The following SKOR2 variants were observed in gnomAD, a reference collection of about 807,000 sequenced individuals.
The protein encoded by SKOR2 is SKI family transcriptional corepressor 2.
SKOR2 carries 47 observed loss-of-function variants against 69.1 expected under a neutral mutation model. The observed-to-expected ratio is 0.68, with a 90% CI of 0.54 to 0.87. SKOR2 has a LOEUF of 0.87. Among genes scored for constraint, SKOR2 ranks in the 40% least tolerant of loss-of-function variants. The pLI, the probability that SKOR2 is intolerant of heterozygous loss-of-function variation, is 0.00. For missense variants in SKOR2, 1,404 were observed against 1,472.2 expected (o/e 0.95, Z 0.76); for synonymous variants, 717 against 672.6 (o/e 1.07, Z -1.02).
At chr18:47,240,526 C>T (rs985023192) in intron 4 of SKOR2, among the ~76,000 whole-genome samples, 2 of 152,092 alleles carry the variant, frequency 1.3e-5, no homozygotes, top group Non-Finnish European at 2.9e-5. Flanking sequence ...TGCTTGAGAA[C>T]TTCATGTTTG....
At chr18:47,229,801 T>C (rs1271989050) in intron 6 of SKOR2, among the ~76,000 whole-genome samples, 1 of 152,168 alleles carries the variant, frequency 6.6e-6, no homozygotes, top group Non-Finnish European at 1.5e-5. Flanking sequence ...GCAGGTGAAT[T>C]TTAAAAATCT....
At position 47,246,578 on chromosome 18, in the gene SKOR2, T is replaced by C. The variant is rs955866181; in HGVS notation, c.2606A>G (p.Tyr869Cys). 2.6e-6 allele frequency: 4 copies of C among 1,516,994 alleles called. No homozygotes were observed. In the Admixed American group the frequency reaches 8.2e-5, roughly 31 times the overall value. The allele number at this position is 1,516,994 out of a possible 1,614,324, so 94.0% of individuals were successfully genotyped here. A position where few individuals can be genotyped will look rare whatever the true frequency, so the allele number is the denominator to read the frequency against. The change falls in exon 2 of 9, where the codon TAC becomes TGC. Residue 869 changes from tyrosine (Y) to cysteine (C), a missense_variant. Tyr to Cys is a radical substitution (Grantham distance 194). Around this residue, in one of 3 missense-constraint regions of SKOR2, gnomAD observed 1,266 missense variants for 1,309.9 expected, o/e 0.97. Coordinates refer to ENST00000425639, the MANE Select transcript of SKOR2 (RefSeq NM_001278063.4). ...HHPSLEEQPSYKDSQKTKENN... is the reference protein window; with the variant it reads ...HHPSLEEQPSCKDSQKTKENN... ...CCTAAAGGGGATATTTACATCTTTG[T>C]AGGAGGGCTGCTCCTCCAGTGATGG...
intron 3 of SKOR2, 87 bp downstream of exon 3, chr18:47,245,411 G>GT: frequency 8.4e-7 from 1 of 1,195,690 alleles, no homozygotes; most frequent in Non-Finnish European, 1.1e-6. Context: ...GTGGTAGTGG[G>GT]TAGGTGAGGA....
intron 4 of SKOR2, among the ~76,000 whole-genome samples, chr18:47,239,292 T>C (rs1406721021): frequency 1.3e-5 from 2 of 152,028 alleles, no homozygotes; most frequent in East Asian, 1.9e-4. Flanking sequence ...AAATTCTACA[T>C]TGAATGACTT....
At chr18:47,232,444 A>T (rs1038801134) in intron 4 of SKOR2, among the ~76,000 whole-genome samples, 1 of 152,222 alleles carries the variant, frequency 6.6e-6, no homozygotes, top group African/African-American at 2.4e-5. Flanking sequence ...TAAAAAATTC[A>T]ACCCCCTATC....
At position 47,247,341 on chromosome 18, in the gene SKOR2, C is replaced by A; in HGVS notation, c.1843G>T (p.Gly615Cys). Residue 615 changes from glycine to cysteine, a missense_variant, in exon 2 of 9, where the codon GGT (glycine) becomes TGT (cysteine). By Grantham distance (159) the Gly-to-Cys change is radical (BLOSUM62 -3). Transcript: ENST00000425639. The surrounding 1 kb of genome is among the most constrained non-coding windows in gnomAD (Gnocchi z 6.6). ...GCGCTGGAATGGTGGTAGCTGCCACCGCCCGCTTTGCGCCCCTCCAGAAGG... is the reference window on the plus strand; with the variant it reads ...GCGCTGGAATGGTGGTAGCTGCCACAGCCCGCTTTGCGCCCCTCCAGAAGG... ...PHLLEGRKAGGGSYHHSSAFR... is the reference protein window; with the variant it reads ...PHLLEGRKAGCGSYHHSSAFR... 6.8e-7 allele frequency: 1 copy of A among 1,473,986 alleles called. No individual in the cohort carries two copies. Among genetic ancestry groups the A allele is most frequent in the South Asian group, 1.3e-5 (1 of 78,472 alleles). The allele number at this position is 1,473,986 out of a possible 1,614,324, so 91.3% of individuals were successfully genotyped here.
chr18:47,212,128 G>A lies in SKOR2; in HGVS notation c.3009C>T (p.Ile1003=), dbSNP rs962338675. ...LQIIPYAASL[I]RKEKLGAHLS... ...GATGGGCGCCAAGCTTTTCTTTCCT[G>A]ATCAAACTTGCTGCATAGGGGATCT... The change falls in exon 8 of 9, where the codon ATC becomes ATT. Residue 1003 remains isoleucine, a synonymous_variant. Coordinates refer to ENST00000425639, the MANE Select transcript of SKOR2 (RefSeq NM_001278063.4). 4 of 1,231,944 alleles carry A rather than the reference G, an allele frequency of 3.2e-6. No homozygotes were observed. The highest frequency in any genetic ancestry group is 4.0e-6 in the Non-Finnish European group (4 of 987,866). 76.3% of individuals were successfully genotyped at this position (1,231,944 alleles called of 1,614,324 possible). A position where few individuals can be genotyped will look rare whatever the true frequency, so the allele number is the denominator to read the frequency against.
intron 4 of SKOR2, chr18:47,234,424 C>T (rs1253205719): frequency 6.6e-6 from 1 of 152,152 alleles, no homozygotes; most frequent in Non-Finnish European, 1.5e-5. Context: ...CCCTATATTT[C>T]CCTCACCCCT....
At chr18:47,235,793 A>AAAC (rs2064220262) in intron 4 of SKOR2, among the ~76,000 whole-genome samples, 1 of 150,830 alleles carries the variant, frequency 6.6e-6, no homozygotes, top group African/African-American at 2.4e-5. Flanking sequence ...AAAAAAAAAA[A>AAAC]AAAAAAAACA....
intron 1 of SKOR2, among the ~76,000 whole-genome samples, chr18:47,249,984 A>T (rs1313415983): frequency 2.0e-5 from 3 of 152,244 alleles, no homozygotes; most frequent in Non-Finnish European, 4.4e-5. Context: ...AAAAACATGA[A>T]GTTGAAGATG....
intron 3 of SKOR2, 25 bp downstream of exon 3, chr18:47,245,473 A>C: frequency 1.5e-6 from 1 of 665,088 alleles, no homozygotes. Flanking sequence ...GAAAAGTGGC[A>C]GCTGATTTTT....
At chr18:47,219,369 C>G (rs2064153993) in intron 7 of SKOR2, among the ~76,000 whole-genome samples, 1 of 150,400 alleles carries the variant, frequency 6.6e-6, no homozygotes, top group Admixed American at 6.7e-5. Flanking sequence ...AAAACAAAAC[C>G]ACTACATTTA....
intron 4 of SKOR2, among the ~76,000 whole-genome samples, chr18:47,237,415 A>G (rs1384413963): frequency 1.3e-5 from 2 of 152,220 alleles, no homozygotes; most frequent in Admixed American, 6.5e-5. Context: ...TTTAGAGCTC[A>G]TTTAACTATA....
At position 47,230,775 on chromosome 18, in the gene SKOR2, T is replaced by C. The variant is rs752002835; in HGVS notation, c.2818+160A>G. 5.9e-5 allele frequency among the ~76,000 whole-genome samples: 9 copies of C among 152,358 alleles called. No homozygotes were observed. The South Asian group carries it at 1.9e-3, about 32-fold the overall frequency. ...TTACAGTGTCATGTATTGATTGATA[T>C]GTATGCATTAATCTCAATTATATCC... On this transcript the variant is annotated intron_variant, in intron 5 of 8. Coordinates refer to ENST00000425639, the MANE Select transcript of SKOR2 (RefSeq NM_001278063.4).
At chr18:47,225,251 A>G (rs1163185476) in intron 6 of SKOR2, among the ~76,000 whole-genome samples, 1 of 152,220 alleles carries the variant, frequency 6.6e-6, no homozygotes, top group African/African-American at 2.4e-5. Context: ...CATTTTTCAT[A>G]AAGCCCCATT....
chr18:47,234,884 G>C (rs751147589), intron 4 of SKOR2, among the ~76,000 whole-genome samples: 2 of 102,846 alleles, frequency 1.9e-5, no homozygotes, highest in African/African-American at 6.9e-5. Flanking sequence ...AAGAGAGGGG[G>C]TGGGGGGAAG....
chr18:47,227,370 C>CT (rs1335632168), intron 6 of SKOR2, among the ~76,000 whole-genome samples: 1 of 139,630 alleles, frequency 7.2e-6, no homozygotes, highest in Non-Finnish European at 1.5e-5. Context: ...CGGAGTCTCC[C>CT]TGTGTTGTCC....
intron 7 of SKOR2, among the ~76,000 whole-genome samples, chr18:47,218,610 A>AAAAAAAAAAC (rs2064151529): frequency 6.6e-6 from 1 of 150,592 alleles, no homozygotes; most frequent in African/African-American, 2.4e-5. Context: ...AAAAAAAAAA[A>AAAAAAAAAAC]TCTGAAAATG....
Position 47,246,970 on chromosome 18 carries a change from C to CTCGTCG in SKOR2, c.2208_2213dup (p.Asp736_Asp737dup), listed in dbSNP as rs1168740848. 1.3e-6 allele frequency: 2 copies of CTCGTCG among 1,498,006 alleles called. No individual in the cohort carries two copies. The highest frequency in any genetic ancestry group is 1.8e-6 in the Non-Finnish European group (2 of 1,130,260). The allele number at this position is 1,498,006 out of a possible 1,614,324, so 92.8% of individuals were successfully genotyped here. A position where few individuals can be genotyped will look rare whatever the true frequency, so the allele number is the denominator to read the frequency against. The stretch of plus-strand genomic sequence containing the variant: ...CCACGTCCACCTCCTGCTCTTCTTC[C>CTCGTCG]TCGTCGTCCTCGTCCTCGGAGCTGT... On this transcript the variant is annotated inframe_insertion, in exon 2 of 9. Coordinates refer to ENST00000425639, the MANE Select transcript of SKOR2 (RefSeq NM_001278063.4).
Sources: allele counts gnomAD v4.1 joint callset (sites outside exome capture counted in the v4.1 genomes callset), GRCh38; gene constraint gnomAD v4.1.1; regional missense constraint gnomAD v4.1.1; non-coding constraint Gnocchi (gnomAD v3.1); transcripts MANE v1.5; gene names NCBI Gene and HGNC (gene_info 2026-07-23, HGNC 2026-07-21).